PCDHA3: variants seen among roughly 807,000 people sequenced by gnomAD.
PCDHA3 encodes protocadherin alpha-3.
A neutral mutation model predicts 62.2 loss-of-function variants in PCDHA3; 41 were observed. The ratio of observed to expected loss-of-function variants is 0.66; its 90% confidence interval spans 0.51 to 0.86. The LOEUF is 0.86. PCDHA3 is among the 40% of genes least tolerant of loss of function. The probability of loss-of-function intolerance (pLI) is 0.00; values close to 1 mark genes in which losing one functional copy is unlikely to be tolerated. For synonymous variants in PCDHA3, 640 were observed against 555.4 expected, an observed-to-expected ratio of 1.15 and a Z score of -2.14; for missense variants, 1,304 against 1,241.2, an observed-to-expected ratio of 1.05 and a Z score of -0.76.
intron 3 of PCDHA3, among the ~76,000 whole-genome samples, chr5:141,008,031 T>C (rs566619568): frequency 1.3e-5 from 2 of 152,336 alleles, no homozygotes; most frequent in Admixed American, 6.5e-5. Flanking sequence ...TTCTTGTTAA[T>C]CTGCCTTTTG....
chr5:140,892,826 C>T (rs1554185388), intron 1 of PCDHA3, among the ~76,000 whole-genome samples: 1 of 152,166 alleles, frequency 6.6e-6, no homozygotes, highest in Non-Finnish European at 1.5e-5. Flanking sequence ...TACAGTGCTA[C>T]AGTGCTGCAA....
intron 1 of PCDHA3, chr5:140,843,225 G>C: frequency 1.3e-6 from 2 of 1,596,120 alleles, no homozygotes; most frequent in Non-Finnish European, 1.7e-6. Context: ...AGCACCACTC[G>C]TGTCCTGGAC....
rs572205670 is a variant in PCDHA3 at position 140,933,229 on chromosome 5, G to A, written c.2395-45720G>A. ...TACATGTCTGTTATATTGCATTTAT[G>A]AAAAAGAAAGGACTATAAACACAAA... On this transcript the variant is annotated intron_variant, in intron 1 of 3. Coordinates refer to ENST00000522353, the MANE Select transcript of PCDHA3 (RefSeq NM_018906.3). Among the ~76,000 whole-genome samples, 114 of 151,958 alleles carry A rather than the reference G, an allele frequency of 7.5e-4. 1 individual carries two copies. The highest frequency in any genetic ancestry group is 1.5e-3 in the Non-Finnish European group (99 of 67,810).
chr5:140,883,762 G>T, intron 1 of PCDHA3: 3 of 1,612,794 alleles, frequency 1.9e-6, no homozygotes, highest in Non-Finnish European at 2.5e-6. Context: ...TGGAGCGGCG[G>T]GTGGGCGAGC....
intron 1 of PCDHA3, chr5:140,836,571 G>T: frequency 6.2e-7 from 1 of 1,613,712 alleles, no homozygotes; most frequent in South Asian, 1.1e-5. Flanking sequence ...GTCCTCTGAG[G>T]GCGCATGTAG....
intron 1 of PCDHA3, chr5:140,851,860 A>T (rs1213709274): frequency 2.1e-6 from 2 of 974,300 alleles, no homozygotes; most frequent in African/African-American, 3.5e-5. Context: ...CTCAGCTCAT[A>T]CATAACACAA....
intron 1 of PCDHA3, among the ~76,000 whole-genome samples, chr5:140,892,327 C>T (rs1399330185): frequency 6.6e-6 from 1 of 152,154 alleles, no homozygotes; most frequent in Non-Finnish European, 1.5e-5. Flanking sequence ...TTTCTTTCTC[C>T]AGAATGGATT....
intron 3 of PCDHA3, among the ~76,000 whole-genome samples, chr5:141,000,961 C>A (rs1207814885): frequency 6.6e-6 from 1 of 151,948 alleles, no homozygotes; most frequent in Non-Finnish European, 1.5e-5. Flanking sequence ...GTAATTTAAG[C>A]CTTCATATTC....
intron 1 of PCDHA3, among the ~76,000 whole-genome samples, chr5:140,931,894 A>G (rs1242530874): frequency 1.3e-5 from 2 of 151,966 alleles, no homozygotes; most frequent in African/African-American, 4.8e-5. Flanking sequence ...TTTTATTTCA[A>G]ATCATTTGAA....
chr5:140,842,359 C>T (rs1157712945), intron 1 of PCDHA3: 5 of 1,606,532 alleles, frequency 3.1e-6, no homozygotes, highest in Non-Finnish European at 4.3e-6. Context: ...AAAATGATAA[C>T]GTCCCTGAGA....
Position 140,835,309 on chromosome 5 carries a change from A to G in PCDHA3, c.2394+31718A>G, listed in dbSNP as rs2150233650. On this transcript the variant is annotated intron_variant, in intron 1 of 3. Coordinates refer to ENST00000522353, the MANE Select transcript of PCDHA3 (RefSeq NM_018906.3). ...GCAATCACAGTGATAGGACATATGG[A>G]TTTTGAAGAAAGTAGAGCACACAAG... 9.3e-6 allele frequency: 15 copies of G among 1,612,924 alleles called. No homozygotes were observed. The African/African-American group carries it at 1.9e-4, about 20-fold the overall frequency.
chr5:140,866,951 G>A (rs1207354253), intron 1 of PCDHA3: 1 of 152,106 alleles, frequency 6.6e-6, no homozygotes, highest in African/African-American at 2.4e-5. Context: ...CTAGGGGCTG[G>A]TTGAGATGGT....
chr5:140,803,636 A>T, intron 1 of PCDHA3, 45 bp downstream of exon 1: 1 of 1,613,714 alleles, frequency 6.2e-7, no homozygotes, highest in Non-Finnish European at 8.5e-7. Context: ...TTTGTTTTTC[A>T]TTCCTCAATG....
chr5:140,996,312 G>A (rs1397001765), intron 3 of PCDHA3, among the ~76,000 whole-genome samples: 2 of 152,186 alleles, frequency 1.3e-5, no homozygotes, highest in African/African-American at 2.4e-5. Flanking sequence ...CAAAGTAAGG[G>A]GGGAGGGTAG....
At chr5:140,808,416 A>G (rs1209126629) in intron 1 of PCDHA3, 2 of 1,614,036 alleles carry the variant, frequency 1.2e-6, no homozygotes, top group Non-Finnish European at 1.7e-6. Context: ...TTGGTGCTGG[A>G]CAGTGCCCTG....
chr5:140,808,173 C>A, intron 1 of PCDHA3: 1 of 1,614,268 alleles, frequency 6.2e-7, no homozygotes, highest in Non-Finnish European at 8.5e-7. Flanking sequence ...GGACAGCTCC[C>A]ACTTTCTGGC....
intron 1 of PCDHA3, chr5:140,927,826 G>T (rs782694866): frequency 2.5e-6 from 4 of 1,614,076 alleles, no homozygotes; most frequent in Middle Eastern, 3.3e-4. Flanking sequence ...ATACATTGAG[G>T]CGAGGGACGA....
In PCDHA3 at chr5:140,849,698, C is replaced by G. The variant is rs2150445577; in HGVS notation, c.2394+46107C>G. 4 of 1,598,548 alleles carry G rather than the reference C, an allele frequency of 2.5e-6. No individual in the cohort carries two copies. In the South Asian group the frequency reaches 3.3e-5, roughly 13 times the overall value. The stretch of plus-strand genomic sequence containing the variant: ...TCCCCTTCAAGCTGGTGTCCACCTA[C>G]AAGAATTACTACTCGTTGGTGCTGG... On this transcript the variant is annotated intron_variant, in intron 1 of 3. Transcript: ENST00000522353.
Position 140,801,631 on chromosome 5 carries a change from C to A in PCDHA3, c.434C>A (p.Ser145Tyr), listed in dbSNP as rs782739143. The stretch of plus-strand genomic sequence containing the variant: ...GTAAAGAATCTGTTTATTTCCGAAT[C>A]CCGACAGCCTGGCTCTCGGTTTTCG... ...MAVKNLFISE[S>Y]RQPGSRFSLE... is the part of the protein sequence containing the mutation. Residue 145 changes from serine to tyrosine, a missense_variant, in exon 1 of 4, where the codon TCC becomes TAC. Transcript: ENST00000522353. 1 of 1,614,146 alleles carries A rather than the reference C, an allele frequency of 6.2e-7. No homozygotes were observed. Among genetic ancestry groups the A allele is most frequent in the African/African-American group, 1.3e-5 (1 of 75,030 alleles).
Sources: gnomAD v4.1 joint callset for allele counts (sites outside exome capture counted in the v4.1 genomes callset) on GRCh38, gnomAD v4.1.1 for gene constraint, MANE v1.5 for transcripts, NCBI Gene and HGNC (gene_info 2026-07-23, HGNC 2026-07-21) for gene names.